DACH1: variants seen among roughly 807,000 people sequenced by gnomAD.
The protein encoded by DACH1 is dachshund family transcription factor 1, also known as dachshund homolog 1.
In DACH1, 12 loss-of-function variants were observed where a neutral mutation model predicts 54.2. The observed-to-expected ratio is 0.22, with a 90% confidence interval of 0.14 to 0.36. The LOEUF (loss-of-function observed/expected upper bound fraction) is 0.36, where lower values mean the gene tolerates loss of function less well. Among genes scored for constraint, DACH1 ranks in the 10% least tolerant of loss-of-function variants. The pLI is 1.00. For synonymous variants in DACH1, 386 were observed against 366.2 expected, an observed-to-expected ratio of 1.05 and a Z score of -0.62; for missense variants, 805 against 929.8, an observed-to-expected ratio of 0.87 and a Z score of 1.75.
At chr13:71,663,978 CTTAG>C (rs1395726749) in intron 2 of DACH1, among the ~76,000 whole-genome samples, 4 of 151,862 alleles carry the variant, frequency 2.6e-5, no homozygotes, top group Admixed American at 1.3e-4. Context: ...GATGTAAAAT[CTTAG>C]TTAGGTTGCA....
At chr13:71,657,405 T>C (rs1028163507) in intron 2 of DACH1, among the ~76,000 whole-genome samples, 1 of 151,734 alleles carries the variant, frequency 6.6e-6, no homozygotes, top group African/African-American at 2.4e-5. Context: ...GATGGGAGGA[T>C]TGCTAGAGCC....
intron 10 of DACH1, among the ~76,000 whole-genome samples, chr13:71,453,954 C>A (rs1049658636): frequency 2.6e-5 from 4 of 152,214 alleles, no homozygotes; most frequent in Middle Eastern, 3.4e-3. Flanking sequence ...ACAATAACAT[C>A]CTATACAAGA....
chr13:71,835,914 C>A (rs911620741), intron 1 of DACH1, among the ~76,000 whole-genome samples: 8 of 152,024 alleles, frequency 5.3e-5, no homozygotes, highest in Admixed American at 5.3e-4. Flanking sequence ...TGGAAATTTT[C>A]TATTGTATTT....
At chr13:71,552,834 TATATATATAG>T (rs1386027156) in intron 6 of DACH1, among the ~76,000 whole-genome samples, 64 of 33,154 alleles carry the variant, frequency 1.9e-3, no homozygotes, top group Non-Finnish European at 2.4e-3. Context: ...TATATATATA[TATATATATAG>T]AGAGAGAGAG....
intron 3 of DACH1, among the ~76,000 whole-genome samples, chr13:71,599,889 T>C (rs1258598150): frequency 1.3e-5 from 2 of 151,260 alleles, no homozygotes; most frequent in African/African-American, 4.9e-5. Context: ...GACACAGATA[T>C]AATGTGAGAT....
intron 1 of DACH1, among the ~76,000 whole-genome samples, chr13:71,692,707 G>A (rs545825120): frequency 6.6e-6 from 1 of 151,430 alleles, no homozygotes; most frequent in Middle Eastern, 3.4e-3. Context: ...ATTTTTAGTA[G>A]AGACGGGGTT....
intron 7 of DACH1, among the ~76,000 whole-genome samples, chr13:71,485,260 T>A (rs1161502087): frequency 6.6e-6 from 1 of 150,884 alleles, no homozygotes; most frequent in Non-Finnish European, 1.5e-5. Context: ...GAAAAAAAAA[T>A]GCCATATAGA....
chr13:71,848,582 A>G (rs1873447586), intron 1 of DACH1, among the ~76,000 whole-genome samples: 1 of 151,918 alleles, frequency 6.6e-6, no homozygotes, highest in South Asian at 2.1e-4. Flanking sequence ...TCACTCTGTC[A>G]CCCAGACTGT....
intron 6 of DACH1, among the ~76,000 whole-genome samples, chr13:71,498,446 T>C (rs1879627874): frequency 6.6e-6 from 1 of 152,180 alleles, no homozygotes; most frequent in African/African-American, 2.4e-5. Flanking sequence ...AAAAATACCT[T>C]CTATTGGAAA....
chr13:71,630,430 A>T, intron 3 of DACH1, 126 bp downstream of exon 3: 1 of 1,400,238 alleles, frequency 7.1e-7, no homozygotes. Flanking sequence ...CCTCAAACAT[A>T]CAGTGTTTTC....
At chr13:71,699,952 T>A (rs1328634623) in intron 1 of DACH1, among the ~76,000 whole-genome samples, 1 of 152,232 alleles carries the variant, frequency 6.6e-6, no homozygotes, top group Non-Finnish European at 1.5e-5. Context: ...TTTAACTACA[T>A]TTCTGAGTCT....
chr13:71,509,087 A>G (rs1345196329), intron 6 of DACH1, among the ~76,000 whole-genome samples: 1 of 152,156 alleles, frequency 6.6e-6, no homozygotes, highest in African/African-American at 2.4e-5. Flanking sequence ...TAACCTTAAC[A>G]GGTGCATTGC....
At position 71,815,651 on chromosome 13, in the gene DACH1, T is replaced by C. The variant is rs149277544; in HGVS notation, c.848+50271A>G. ...CTTTTTTAGGAAAACAGTTTAACAA[T>C]TTCCCAAGTAATTAAAACTCAATAA... On this transcript the variant is annotated intron_variant, in intron 1 of 10. Transcript: ENST00000613252. 1.2e-3 allele frequency among the ~76,000 whole-genome samples: 190 copies of C among 152,330 alleles called. 2 individuals are homozygous for C. The highest frequency in any genetic ancestry group is 4.5e-3 in the African/African-American group (186 of 41,574).
At chr13:71,549,612 T>C (rs1047814297) in intron 6 of DACH1, among the ~76,000 whole-genome samples, 2 of 152,180 alleles carry the variant, frequency 1.3e-5, no homozygotes, top group African/African-American at 2.4e-5. Context: ...GGAGATATAA[T>C]TGAGAAACCA....
At chr13:71,785,845 T>C (rs1219296615) in intron 1 of DACH1, among the ~76,000 whole-genome samples, 1 of 152,216 alleles carries the variant, frequency 6.6e-6, no homozygotes, top group Non-Finnish European at 1.5e-5. Context: ...CCATGCTACT[T>C]TCTTCTACCT....
chr13:71,845,494 G>A (rs1161658521), intron 1 of DACH1, among the ~76,000 whole-genome samples: 1 of 152,260 alleles, frequency 6.6e-6, no homozygotes, highest in East Asian at 1.9e-4. Context: ...ATTGACATGG[G>A]ATGATGAAGC....
intron 1 of DACH1, among the ~76,000 whole-genome samples, chr13:71,728,743 T>C (rs1019261369): frequency 6.6e-6 from 1 of 152,014 alleles, no homozygotes; most frequent in Non-Finnish European, 1.5e-5. Context: ...ACTGAGTGTA[T>C]TGTCTGTCTT....
intron 8 of DACH1, among the ~76,000 whole-genome samples, chr13:71,477,090 A>G (rs1016503200): frequency 2.2e-5 from 1 of 46,380 alleles, no homozygotes; most frequent in African/African-American, 7.7e-5. Flanking sequence ...TTATATATAT[A>G]TATATATATA....
intron 1 of DACH1, among the ~76,000 whole-genome samples, chr13:71,750,168 T>C (rs948892904): frequency 2.0e-5 from 3 of 152,172 alleles, no homozygotes; most frequent in Admixed American, 6.5e-5. Context: ...CACTCCACTA[T>C]ACCGATGTTT....
Sources: allele counts gnomAD v4.1 joint callset (sites outside exome capture counted in the v4.1 genomes callset), GRCh38; gene constraint gnomAD v4.1.1; transcripts MANE v1.5; gene names NCBI Gene and HGNC (gene_info 2026-07-23, HGNC 2026-07-21).